The following MTRR variants were observed in gnomAD, a reference collection of about 807,000 sequenced individuals.
MTRR encodes methionine synthase reductase.
In MTRR, 63 loss-of-function variants were observed where a neutral mutation model predicts 79.2. That is an observed-to-expected ratio of 0.80 (90% CI 0.65 to 0.98). The LOEUF is 0.98. MTRR is among the 50% of genes least tolerant of loss of function. The pLI, the probability that MTRR is intolerant of heterozygous loss-of-function variation, is 0.00. For missense variants in MTRR, 895 were observed against 839.6 expected, an observed-to-expected ratio of 1.07 and a Z score of -0.82; for synonymous variants, 355 against 313.3, an observed-to-expected ratio of 1.13 and a Z score of -1.41.
intron 6 of MTRR, among the ~76,000 whole-genome samples, chr5:7,883,689 C>T (rs1188771239): frequency 6.6e-6 from 1 of 152,120 alleles, no homozygotes; most frequent in Non-Finnish European, 1.5e-5. Context: ...TTTTTTCTCT[C>T]TTCTATTTTC....
chr5:7,869,091 C>G (rs1579573237), upstream of MTRR: 1 of 1,606,918 alleles, frequency 6.2e-7, no homozygotes, highest in Non-Finnish European at 8.5e-7. Context: ...TGTGATTGGC[C>G]CAGGTCCCCT....
At chr5:7,878,907 C>T (rs1484453487) in intron 5 of MTRR, among the ~76,000 whole-genome samples, 3 of 152,172 alleles carry the variant, frequency 2.0e-5, no homozygotes, top group Non-Finnish European at 4.4e-5. Context: ...TTTGGAGTTC[C>T]ACATGGACTT....
At chr5:7,883,115 T>G in intron 5 of MTRR, 40 bp from the exon 6 acceptor site, 1 of 1,613,976 alleles carries the variant, frequency 6.2e-7, no homozygotes, top group Non-Finnish European at 8.5e-7. Context: ...AGGGTATAAT[T>G]GAAAATTGCA....
chr5:7,869,050 C>G, upstream of MTRR: 1 of 1,523,772 alleles, frequency 6.6e-7, no homozygotes, highest in Non-Finnish European at 9.1e-7. Flanking sequence ...GTAGCAAACG[C>G]GGGGCGGGAG....
In MTRR at chr5:7,900,188, G is replaced by T. The variant is rs1739260386; in HGVS notation, c.*130G>T. 3.9e-6 allele frequency: 4 copies of T among 1,019,002 alleles called. No individual in the cohort carries two copies. Among genetic ancestry groups the T allele is most frequent in the Non-Finnish European group, 5.8e-6 (4 of 692,022 alleles). 63.1% of individuals were successfully genotyped at this position (1,019,002 alleles called of 1,614,324 possible). ...AACATTTCTTGAAGGACATGGAGTG[G>T]AGATTGGATCATTTAACAATATAAC... On this transcript the variant is annotated 3_prime_UTR_variant, in exon 15 of 15. Coordinates refer to ENST00000440940, the MANE Select transcript of MTRR (RefSeq NM_002454.3).
intron 10 of MTRR, among the ~76,000 whole-genome samples, chr5:7,892,501 A>T (rs893927096): frequency 6.6e-6 from 1 of 152,208 alleles, no homozygotes; most frequent in Non-Finnish European, 1.5e-5. Flanking sequence ...TCCTAGTGCA[A>T]GCAAATAAAA....
At chr5:7,885,980 G>A (rs1007466422) in intron 7 of MTRR, 126 bp downstream of exon 7, 2 of 1,275,488 alleles carry the variant, frequency 1.6e-6, no homozygotes, top group Non-Finnish European at 2.3e-6. Flanking sequence ...GCTCAGCTGC[G>A]CATCAAGGTC....
chr5:7,873,237 A>C (rs775301721), intron 2 of MTRR, 136 bp from the exon 3 acceptor site: 24 of 1,032,920 alleles, frequency 2.3e-5, no homozygotes, highest in Non-Finnish European at 3.5e-5. Context: ...TAGTCACTGG[A>C]CTGGTCGTCT....
chr5:7,890,472 C>T, intron 9 of MTRR: 2 of 938,826 alleles, frequency 2.1e-6, no homozygotes, highest in Non-Finnish European at 2.5e-6. Context: ...TATTTCAATT[C>T]TTTTCGTAGA....
At chr5:7,898,798 C>T (rs1738970861) in intron 14 of MTRR, among the ~76,000 whole-genome samples, 1 of 152,186 alleles carries the variant, frequency 6.6e-6, no homozygotes, top group Admixed American at 6.5e-5. Flanking sequence ...TCTTGTCTGA[C>T]ACTTCGCTTC....
At chr5:7,853,212 G>A (rs1746127223) in intron 1 of MTRR, among the ~76,000 whole-genome samples, 1 of 152,164 alleles carries the variant, frequency 6.6e-6, no homozygotes, top group African/African-American at 2.4e-5. Flanking sequence ...TGCTGTTCTT[G>A]TGATAGTGAA....
At chr5:7,851,082 G>T, upstream of MTRR, 1 of 1,234,306 alleles carries the variant, frequency 8.1e-7, no homozygotes, top group Non-Finnish European at 1.0e-6. Flanking sequence ...CAGGGGCCCA[G>T]TCGGAGTCTG....
rs115290521 is a variant in MTRR, at chr5:7,855,941, G to A, written n.391+4356G>A. Among the ~76,000 whole-genome samples the A allele has an allele frequency of 8.5e-3, 1,287 of 152,276 alleles. 16 individuals are homozygous for A. The highest frequency in any genetic ancestry group is 0.029 in the African/African-American group (1,223 of 41,542). Reference sequence around the variant, plus strand: ...AACATGAAGGCAGGTTTCCTGACTCGTGCAGCAGGGGAGACTGCACACCAC... The same window carrying A: ...AACATGAAGGCAGGTTTCCTGACTCATGCAGCAGGGGAGACTGCACACCAC... On this transcript the variant is annotated intron_variant and non_coding_transcript_variant, in intron 1 of 3. Coordinates refer to the MTRR transcript ENST00000502509.
chr5:7,875,232 A>G, intron 3 of MTRR, 26 bp from the exon 4 acceptor site: 1 of 1,443,344 alleles, frequency 6.9e-7, no homozygotes, highest in Non-Finnish European at 9.8e-7. Flanking sequence ...TTTATTGTGC[A>G]TTAATTATGT....
chr5:7,884,605 A>C (rs947946725), intron 6 of MTRR, among the ~76,000 whole-genome samples: 1 of 152,186 alleles, frequency 6.6e-6, no homozygotes, highest in Non-Finnish European at 1.5e-5. Context: ...AACTGTATAT[A>C]GAAACATTTA....
chr5:7,886,872 T>C (rs1736563869), intron 8 of MTRR, among the ~76,000 whole-genome samples, 169 bp downstream of exon 8: 1 of 152,208 alleles, frequency 6.6e-6, no homozygotes, highest in Admixed American at 6.5e-5. Flanking sequence ...GTAACTATCA[T>C]CTATGAATCT....
rs987679103 is a variant in MTRR, at chr5:7,894,581, G to A, written c.1558-1153G>A. 2.6e-5 allele frequency among the ~76,000 whole-genome samples: 4 copies of A among 152,184 alleles called. 1 individual carries two copies. In the East Asian group the frequency reaches 5.8e-4, roughly 22 times the overall value. On this transcript the variant is annotated intron_variant, in intron 11 of 14. Transcript: ENST00000440940. ...TCTTTTCTGCCAGGAATATGCTCTG[G>A]CATGGCTAACTCCCTTGATTCAGAT...
At chr5:7,893,094 AGT>A (rs1213494918) in intron 11 of MTRR, 181 bp downstream of exon 11, 2 of 677,374 alleles carry the variant, frequency 3.0e-6, no homozygotes, top group Non-Finnish European at 5.0e-6. Context: ...CTCTTTAACT[AGT>A]GTGTGTATTT....
Position 7,889,130 on chromosome 5 carries a change from C to G in MTRR, c.1182C>G (p.Asp394Glu), listed in dbSNP as rs149678769. The G allele has an allele frequency of 4.4e-4, 715 of 1,614,008 alleles. No individual in the cohort carries two copies. Among genetic ancestry groups the G allele is most frequent in the Non-Finnish European group, 5.6e-4 (655 of 1,179,992 alleles). ...FLRALVDYTS[D>E]SAEKRRLQEL... ...GAGCCCTTGTGGACTATACCAGTGA[C>G]AGTGCTGAAAAGCGCAGGCTACAGG... The change falls in exon 9 of 15, where the codon GAC becomes GAG. Residue 394 changes from aspartate to glutamate, a missense_variant. Coordinates refer to ENST00000440940, the MANE Select transcript of MTRR (RefSeq NM_002454.3).
Sources: allele counts gnomAD v4.1 joint callset (sites outside exome capture counted in the v4.1 genomes callset), GRCh38; gene constraint gnomAD v4.1.1; transcripts MANE v1.5; gene names NCBI Gene and HGNC (gene_info 2026-07-23, HGNC 2026-07-21).